Variants in NCOA3 observed in about 807,000 individuals in gnomAD.
The protein encoded by NCOA3 is nuclear receptor coactivator 3, also known as CBP-interacting protein.
Under a neutral mutation model 158.8 loss-of-function variants are expected in NCOA3, and 51 were observed. That is an observed-to-expected ratio of 0.32 (90% confidence interval 0.26 to 0.41). The LOEUF is 0.41. Among genes scored for constraint, NCOA3 ranks in the 10% least tolerant of loss-of-function variants. NCOA3 has a pLI of 1.00. For synonymous variants in NCOA3, 537 were observed against 592.4 expected, an observed-to-expected ratio of 0.91 and a Z score of 1.36; for missense variants, 1,510 against 1,746.6, an observed-to-expected ratio of 0.86 and a Z score of 2.41.
intron 1 of NCOA3, among the ~76,000 whole-genome samples, chr20:47,555,618 G>T: frequency 7.0e-6 from 1 of 142,046 alleles, no homozygotes; most frequent in African/African-American, 2.6e-5. Flanking sequence ...TTTTTCCTTA[G>T]ATACTATTAA....
intron 2 of NCOA3, among the ~76,000 whole-genome samples, chr20:47,588,776 T>C (rs939918072): frequency 2.0e-5 from 3 of 152,226 alleles, no homozygotes; most frequent in African/African-American, 4.8e-5. Context: ...TCTTGCACTT[T>C]GCTTTTTTTC....
intron 1 of NCOA3, among the ~76,000 whole-genome samples, chr20:47,505,963 C>T (rs1014717629): frequency 6.6e-6 from 1 of 152,082 alleles, no homozygotes; most frequent in Non-Finnish European, 1.5e-5. Flanking sequence ...CGCCACCATG[C>T]CCGGCTAATT....
chr20:47,625,591 CA>C (rs1046798127), intron 5 of NCOA3, 110 bp downstream of exon 5: 4 of 754,928 alleles, frequency 5.3e-6, no homozygotes, highest in South Asian at 4.8e-5. Flanking sequence ...AAAAAGAAAA[CA>C]TTTTTTTCTT....
chr20:47,645,552 G>A (rs533895825), intron 17 of NCOA3, among the ~76,000 whole-genome samples: 1 of 151,700 alleles, frequency 6.6e-6, no homozygotes, highest in South Asian at 2.1e-4. Flanking sequence ...CGTTATTAGT[G>A]TTTTATGGAT....
intron 1 of NCOA3, among the ~76,000 whole-genome samples, chr20:47,547,133 C>G (rs920453454): frequency 5.3e-5 from 8 of 152,148 alleles, no homozygotes; most frequent in African/African-American, 1.9e-4. Flanking sequence ...ATATGCTCCA[C>G]AAGAACAAGA....
chr20:47,554,370 G>A (rs2084969353), intron 1 of NCOA3, among the ~76,000 whole-genome samples: 1 of 151,948 alleles, frequency 6.6e-6, no homozygotes, highest in Non-Finnish European at 1.5e-5. Context: ...TCTGATGGTG[G>A]TTTCTTTTGC....
At chr20:47,568,329 T>C (rs1279803484) in intron 1 of NCOA3, among the ~76,000 whole-genome samples, 1 of 152,000 alleles carries the variant, frequency 6.6e-6, no homozygotes, top group Admixed American at 6.6e-5. Context: ...ATAGTTCACA[T>C]GGTAGAAGAA....
In NCOA3 at chr20:47,642,420, A is replaced by G. The variant is rs373160263; in HGVS notation, c.3252+36A>G. ...TTAACATGGAAGTAGGAGAGTGTAT[A>G]TTTGTGTGTGTGCGCGCGTACACAT... On this transcript the variant is annotated intron_variant, in intron 17 of 22. Transcript: ENST00000371998. 4 of 1,526,408 alleles carry G rather than the reference A, an allele frequency of 2.6e-6. No individual in the cohort carries two copies. The African/African-American group carries it at 5.5e-5, about 21-fold the overall frequency. 94.6% of individuals were successfully genotyped at this position (1,526,408 alleles called of 1,614,324 possible). A position where few individuals can be genotyped will look rare whatever the true frequency, so the allele number is the denominator to read the frequency against.
chr20:47,527,091 A>T (rs928632777), intron 1 of NCOA3, among the ~76,000 whole-genome samples: 1 of 152,186 alleles, frequency 6.6e-6, no homozygotes, highest in African/African-American at 2.4e-5. Flanking sequence ...AGTAGCTTTT[A>T]TGTAGTTTGC....
At chr20:47,587,040 T>G (rs930971824) in intron 2 of NCOA3, among the ~76,000 whole-genome samples, 13 of 152,222 alleles carry the variant, frequency 8.5e-5, no homozygotes, top group African/African-American at 2.9e-4. Context: ...TCTTCTAGAT[T>G]TAGCATCCAT....
chr20:47,552,226 G>A (rs1277771102), intron 1 of NCOA3, among the ~76,000 whole-genome samples: 2 of 152,184 alleles, frequency 1.3e-5, no homozygotes, highest in East Asian at 3.8e-4. Flanking sequence ...TAGTATTGAT[G>A]AACTGTATGT....
At chr20:47,535,414 T>C (rs528239752) in intron 1 of NCOA3, among the ~76,000 whole-genome samples, 12 of 152,204 alleles carry the variant, frequency 7.9e-5, no homozygotes, top group Non-Finnish European at 1.5e-4. Context: ...CTCTGCCTTA[T>C]CGCAAGGATA....
intron 1 of NCOA3, among the ~76,000 whole-genome samples, chr20:47,527,980 A>G (rs960565247): frequency 4.5e-4 from 68 of 152,102 alleles, no homozygotes; most frequent in African/African-American, 1.6e-3. Context: ...TCTTAGAAAA[A>G]ACTGAGTTCT....
intron 1 of NCOA3, among the ~76,000 whole-genome samples, chr20:47,545,842 A>G (rs561003601): frequency 6.6e-6 from 1 of 151,770 alleles, no homozygotes; most frequent in South Asian, 2.1e-4. Context: ...AGCATCCTGA[A>G]TAGCTAGGAC....
chr20:47,525,879 C>T (rs1350297636), intron 1 of NCOA3, among the ~76,000 whole-genome samples: 5 of 131,430 alleles, frequency 3.8e-5, no homozygotes, highest in South Asian at 2.5e-4. Context: ...GGCGGCTGGC[C>T]GGGCGGGGGG....
At chr20:47,610,394 G>GT (rs1015164669) in intron 2 of NCOA3, among the ~76,000 whole-genome samples, 1 of 151,986 alleles carries the variant, frequency 6.6e-6, no homozygotes, top group African/African-American at 2.4e-5. Flanking sequence ...TAATTTTTGT[G>GT]TTTTTTGCAG....
intron 1 of NCOA3, among the ~76,000 whole-genome samples, chr20:47,524,086 A>G (rs745502142): frequency 2.0e-5 from 3 of 152,236 alleles, no homozygotes; most frequent in South Asian, 4.1e-4. Flanking sequence ...CAGTGGGACA[A>G]TATTGAGACA....
In NCOA3 at chr20:47,624,048, A is replaced by G; in HGVS notation, c.221A>G (p.Glu74Gly). The G allele has an allele frequency of 6.2e-7, 1 of 1,612,642 alleles. No individual in the cohort carries two copies. The highest frequency in any genetic ancestry group is 8.5e-7 in the Non-Finnish European group (1 of 1,179,612). ...VKPDKCAILK[E>G]TVRQIRQIKE... is the part of the protein sequence containing the mutation. The stretch of plus-strand genomic sequence containing the variant: ...CCAGATAAATGTGCGATTTTAAAGG[A>G]AACAGTAAGACAGATACGTCAAATA... Residue 74 changes from glutamate (E) to glycine (G), a missense_variant, in exon 4 of 23, where the codon GAA (glutamate) becomes GGA (glycine). This residue lies in a region of NCOA3 where 309 missense variants were observed against 427.1 expected (regional missense o/e 0.72). Coordinates refer to ENST00000371998, the MANE Select transcript of NCOA3 (RefSeq NM_181659.3).
intron 1 of NCOA3, among the ~76,000 whole-genome samples, chr20:47,565,000 A>G (rs570417984): frequency 1.3e-5 from 2 of 151,374 alleles, no homozygotes; most frequent in Non-Finnish European, 2.9e-5. Flanking sequence ...TTTTTTTTTT[A>G]GAAGGAGTTT....
Sources: gnomAD v4.1 joint callset for allele counts (sites outside exome capture counted in the v4.1 genomes callset) on GRCh38, gnomAD v4.1.1 for gene constraint, gnomAD v4.1.1 regional missense constraint, MANE v1.5 for transcripts, NCBI Gene and HGNC (gene_info 2026-07-23, HGNC 2026-07-21) for gene names.